VTI1B: variants seen among roughly 807,000 people sequenced by gnomAD.
VTI1B encodes vesicle transport through interaction with t-SNAREs homolog 1B.
A neutral mutation model predicts 28.6 loss-of-function variants in VTI1B; 18 were observed. The ratio of observed to expected loss-of-function variants is 0.63; its 90% CI spans 0.43 to 0.93. VTI1B has a LOEUF of 0.93. VTI1B is among the 40% of genes least tolerant of loss of function. VTI1B has a pLI of 0.00. For missense variants in VTI1B, 283 were observed against 297.0 expected (o/e 0.95, Z 0.35); for synonymous variants, 100 against 107.9 (o/e 0.93, Z 0.46).
intron 1 of VTI1B, chr14:67,663,122 C>G: frequency 6.6e-7 from 1 of 1,526,508 alleles, no homozygotes; most frequent in East Asian, 2.5e-5. Flanking sequence ...ATTCATTCCC[C>G]TTTCAGCCTT....
Position 67,647,738 on chromosome 14 carries a change from C to T in VTI1B, c.*3647G>A, listed in dbSNP as rs1053813759. 2.1e-4 allele frequency: 50 copies of T among 242,112 alleles called. No individual in the cohort carries two copies. Among genetic ancestry groups the T allele is most frequent in the African/African-American group, 1.0e-3 (45 of 44,774 alleles). The allele number at this position is 242,112 out of a possible 1,614,324, so 15.0% of individuals were successfully genotyped here. ...ATCTCATCTAGAAGTGAAGAAATCT[C>T]TCTATTGACAGTTATTAGTATAAGA... On this transcript the variant is annotated 3_prime_UTR_variant, in exon 6 of 6. Coordinates refer to ENST00000554659, the MANE Select transcript of VTI1B (RefSeq NM_006370.3).
Position 67,651,493 on chromosome 14 carries a change from A to G in VTI1B, c.603-12T>C, listed in dbSNP as rs200692340. ...TGTTGGTTGTCACTCTACAAAGAGA[A>G]GCAAAGTGGGGAGTAGTCAGAAGTT... On this transcript the variant is annotated splice_polypyrimidine_tract_variant and intron_variant, in intron 5 of 5. Coordinates refer to ENST00000554659, the MANE Select transcript of VTI1B (RefSeq NM_006370.3). The G allele has an allele frequency of 1.9e-6, 3 of 1,613,168 alleles. No individual in the cohort carries two copies. Among genetic ancestry groups the G allele is most frequent in the Non-Finnish European group, 2.5e-6 (3 of 1,179,320 alleles).
chr14:67,655,028 C>CAA (rs34482334), intron 4 of VTI1B, among the ~76,000 whole-genome samples: 4,531 of 42,662 alleles, frequency 0.11, 499 homozygotes, highest in Middle Eastern at 0.25. Context: ...GACTCCATCT[C>CAA]AAAAAAAAAA....
At chr14:67,670,158 G>A (rs1373298724) in intron 1 of VTI1B, among the ~76,000 whole-genome samples, 2 of 152,176 alleles carry the variant, frequency 1.3e-5, no homozygotes, top group Non-Finnish European at 2.9e-5. Flanking sequence ...ACAGTCCCCT[G>A]TACCCAGATT....
intron 2 of VTI1B, among the ~76,000 whole-genome samples, chr14:67,662,161 AAAC>A (rs964012373): frequency 7.9e-5 from 12 of 151,190 alleles, no homozygotes; most frequent in Admixed American, 3.3e-4. Context: ...GTCTCAAAAC[AAAC>A]AACAACAACA....
rs988404440 is a variant in VTI1B, at chr14:67,647,658, TTTAAA to T, written c.*3722_*3726del. ...GCAACCATAACTTACATCAAGCCAA[TTTAAA>T]TTAGACTAATTTAAATTGTCTAATT... On this transcript the variant is annotated 3_prime_UTR_variant, in exon 6 of 6. Coordinates refer to ENST00000554659, the MANE Select transcript of VTI1B (RefSeq NM_006370.3). 10 of 161,120 alleles carry T rather than the reference TTTAAA, an allele frequency of 6.2e-5. No individual in the cohort carries two copies. Among genetic ancestry groups the T allele is most frequent in the South Asian group, 1.9e-4 (1 of 5,186 alleles). The allele number at this position is 161,120 out of a possible 1,614,324, so 10.0% of individuals were successfully genotyped here. A position where few individuals can be genotyped will look rare whatever the true frequency, so the allele number is the denominator to read the frequency against.
At chr14:67,670,359 A>G (rs1594842122) in intron 1 of VTI1B, among the ~76,000 whole-genome samples, 3 of 151,948 alleles carry the variant, frequency 2.0e-5, no homozygotes, top group African/African-American at 7.3e-5. Context: ...CATACATTCT[A>G]AGCTCCAGAG....
intron 1 of VTI1B, among the ~76,000 whole-genome samples, chr14:67,664,881 T>C (rs1428810807): frequency 6.6e-6 from 1 of 152,110 alleles, no homozygotes; most frequent in Non-Finnish European, 1.5e-5. Context: ...ACCTGGCTTT[T>C]TTTGAGACTG....
intron 1 of VTI1B, among the ~76,000 whole-genome samples, chr14:67,669,962 C>G (rs2037446290): frequency 6.6e-6 from 1 of 152,036 alleles, no homozygotes; most frequent in Non-Finnish European, 1.5e-5. Context: ...AGGCCTGGTG[C>G]CATGCACCTG....
intron 5 of VTI1B, 41 bp downstream of exon 5, chr14:67,653,396 C>T (rs778041134): frequency 6.3e-7 from 1 of 1,583,116 alleles, no homozygotes; most frequent in Non-Finnish European, 8.7e-7. Context: ...GGTTGAAAGC[C>T]ACTGAGTTAA....
intron 4 of VTI1B, among the ~76,000 whole-genome samples, chr14:67,654,886 G>C (rs1035563119): frequency 1.3e-5 from 2 of 151,868 alleles, no homozygotes; most frequent in Non-Finnish European, 2.9e-5. Flanking sequence ...AAAATTAGCC[G>C]GGTGTGGTGG....
At chr14:67,671,023 T>C (rs749442570) in intron 1 of VTI1B, among the ~76,000 whole-genome samples, 14 of 152,186 alleles carry the variant, frequency 9.2e-5, no homozygotes, top group Non-Finnish European at 2.1e-4. Context: ...AACTTTATGA[T>C]GTGGTCTCTG....
At chr14:67,672,447 C>CTTTTTTTTTTTT (rs764198286) in intron 1 of VTI1B, among the ~76,000 whole-genome samples, 4 of 116,844 alleles carry the variant, frequency 3.4e-5, no homozygotes, top group Non-Finnish European at 5.0e-5. Flanking sequence ...CTTTTCTTTT[C>CTTTTTTTTTTTT]TTTTTTTTTT....
At chr14:67,653,330 G>A (rs1281612281) in intron 5 of VTI1B, 107 bp downstream of exon 5, 8 of 883,750 alleles carry the variant, frequency 9.1e-6, no homozygotes, top group East Asian at 7.8e-5. Context: ...GGGACTATGC[G>A]TCAACTGCTG....
chr14:67,648,389 C>A lies in VTI1B; in HGVS notation c.*2996G>T. 2.2e-6 allele frequency: 1 copy of A among 452,278 alleles called. No individual in the cohort carries two copies. The highest frequency in any genetic ancestry group is 3.8e-6 in the Non-Finnish European group (1 of 261,982). 28.0% of individuals were successfully genotyped at this position (452,278 alleles called of 1,614,324 possible). On this transcript the variant is annotated 3_prime_UTR_variant, in exon 6 of 6. Coordinates refer to ENST00000554659, the MANE Select transcript of VTI1B (RefSeq NM_006370.3). ...CTTGGACATGGCTCTTACCAAATTA[C>A]ACTAAGGTAATAATGAGTAAAAAAT...
intron 2 of VTI1B, among the ~76,000 whole-genome samples, chr14:67,660,970 A>G (rs556241716): frequency 6.6e-6 from 1 of 152,336 alleles, no homozygotes; most frequent in African/African-American, 2.4e-5. Flanking sequence ...GATAGTTCCC[A>G]CAGTCTAGTG....
chr14:67,661,278 CAAAAAA>C (rs1208811725), intron 2 of VTI1B, among the ~76,000 whole-genome samples: 1 of 56,548 alleles, frequency 1.8e-5, no homozygotes, highest in African/African-American at 8.3e-5. Context: ...AGGGCTAGAG[CAAAAAA>C]AAAAAAAAAA....
intron 1 of VTI1B, among the ~76,000 whole-genome samples, chr14:67,664,936 A>T (rs1417899819): frequency 6.6e-6 from 1 of 151,956 alleles, no homozygotes; most frequent in African/African-American, 2.4e-5. Context: ...GCGTCATCTC[A>T]GCTCACTGCA....
chr14:67,672,447 CT>C (rs764198286), intron 1 of VTI1B, among the ~76,000 whole-genome samples: 13,173 of 116,692 alleles, frequency 0.11, 660 homozygotes, highest in Middle Eastern at 0.25. Flanking sequence ...CTTTTCTTTT[CT>C]TTTTTTTTTT....
Sources: gnomAD v4.1 joint callset for allele counts (sites outside exome capture counted in the v4.1 genomes callset) on GRCh38, gnomAD v4.1.1 for gene constraint, MANE v1.5 for transcripts, NCBI Gene and HGNC (gene_info 2026-07-23, HGNC 2026-07-21) for gene names.